PIGL: variants seen among roughly 807,000 people sequenced by gnomAD.
PIGL encodes phosphatidylinositol glycan anchor biosynthesis class L.
In PIGL, 22 loss-of-function variants were observed where a neutral mutation model predicts 31.1. That is an observed-to-expected ratio of 0.71 (90% CI 0.51 to 1.01). PIGL has a LOEUF of 1.01. Among genes scored for constraint, PIGL ranks in the 50% least tolerant of loss-of-function variants. PIGL has a pLI of 0.00. For missense variants in PIGL, 302 were observed against 315.9 expected (o/e 0.96, Z 0.33); for synonymous variants, 131 against 117.4 (o/e 1.12, Z -0.75).
intron 2 of PIGL, among the ~76,000 whole-genome samples, chr17:16,259,327 A>G (rs2092809886): frequency 6.8e-6 from 1 of 147,764 alleles, no homozygotes; most frequent in Non-Finnish European, 1.5e-5. Flanking sequence ...CATATAGTCA[A>G]TTGATTTTCA....
At chr17:16,253,410 T>G (rs1194783264) in intron 2 of PIGL, among the ~76,000 whole-genome samples, 1 of 152,186 alleles carries the variant, frequency 6.6e-6, no homozygotes, top group African/African-American at 2.4e-5. Context: ...AGAAACAATT[T>G]ATAGTTGAGG....
At chr17:16,243,792 C>T (rs1367426906) in intron 2 of PIGL, among the ~76,000 whole-genome samples, 1 of 152,200 alleles carries the variant, frequency 6.6e-6, no homozygotes, top group African/African-American at 2.4e-5. Context: ...CCAAGGGGTT[C>T]ACCTTGCCCA....
intron 2 of PIGL, among the ~76,000 whole-genome samples, chr17:16,267,240 G>A (rs2092848099): frequency 6.6e-6 from 1 of 152,170 alleles, no homozygotes. Flanking sequence ...ATAAGGAAGA[G>A]TAAGTGTATT....
At chr17:16,323,820 T>C (rs1380078097) in intron 6 of PIGL, among the ~76,000 whole-genome samples, 1 of 151,852 alleles carries the variant, frequency 6.6e-6, no homozygotes, top group Non-Finnish European at 1.5e-5. Flanking sequence ...GGTTTCACTA[T>C]GTTGGCCAGG....
intron 1 of PIGL, among the ~76,000 whole-genome samples, chr17:16,223,568 C>G (rs1169718345): frequency 6.6e-5 from 10 of 151,638 alleles, no homozygotes; most frequent in Admixed American, 4.6e-4. Flanking sequence ...CAGAGCTAGA[C>G]TCTATCTCAA....
intron 2 of PIGL, among the ~76,000 whole-genome samples, chr17:16,237,274 A>C (rs1374275884): frequency 6.6e-6 from 1 of 151,286 alleles, no homozygotes; most frequent in African/African-American, 2.4e-5. Context: ...CACCTGGCTA[A>C]TTTTTGTATC....
chr17:16,228,808 C>A (rs2092665566), intron 1 of PIGL, among the ~76,000 whole-genome samples: 1 of 152,194 alleles, frequency 6.6e-6, no homozygotes, highest in South Asian at 2.1e-4. Flanking sequence ...CATTCCTTTT[C>A]CCCTCCTCTC....
chr17:16,283,055 T>A (rs556350979), intron 2 of PIGL, among the ~76,000 whole-genome samples: 19 of 151,532 alleles, frequency 1.3e-4, no homozygotes, highest in Non-Finnish European at 1.5e-5. Context: ...CAGGTTGGAG[T>A]GCAATGGCAT....
At chr17:16,271,395 A>G (rs907840005) in intron 2 of PIGL, among the ~76,000 whole-genome samples, 6 of 152,356 alleles carry the variant, frequency 3.9e-5, no homozygotes, top group Non-Finnish European at 8.8e-5. Context: ...TTGTGGTTCA[A>G]TAAACAGAAT....
chr17:16,254,523 C>T (rs563275175), intron 2 of PIGL, among the ~76,000 whole-genome samples: 6 of 152,162 alleles, frequency 3.9e-5, no homozygotes, highest in Non-Finnish European at 7.4e-5. Context: ...CCACCTCGGC[C>T]TCCCAAAGTA....
At chr17:16,306,811 G>A (rs569844093) in intron 3 of PIGL, among the ~76,000 whole-genome samples, 1 of 152,176 alleles carries the variant, frequency 6.6e-6, no homozygotes, top group African/African-American at 2.4e-5. Flanking sequence ...TTACAGGCGT[G>A]AGCCACCGCA....
chr17:16,318,885 C>T (rs1019445014), intron 6 of PIGL, among the ~76,000 whole-genome samples: 2 of 151,430 alleles, frequency 1.3e-5, no homozygotes, highest in Non-Finnish European at 2.9e-5. Flanking sequence ...GAGCTGAGAT[C>T]ATGCCACTGT....
chr17:16,244,017 T>G (rs993668897), intron 2 of PIGL, among the ~76,000 whole-genome samples: 3 of 152,186 alleles, frequency 2.0e-5, no homozygotes, highest in Admixed American at 1.3e-4. Context: ...GGTCTCTTCT[T>G]GGGCTGAGTC....
chr17:16,281,482 A>G (rs1267248870), intron 2 of PIGL, among the ~76,000 whole-genome samples: 1 of 152,224 alleles, frequency 6.6e-6, no homozygotes, highest in Non-Finnish European at 1.5e-5. Context: ...AGCCAGATGC[A>G]ACATTCATAA....
At chr17:16,265,403 G>T (rs2092837942) in intron 2 of PIGL, among the ~76,000 whole-genome samples, 1 of 152,080 alleles carries the variant, frequency 6.6e-6, no homozygotes, top group Admixed American at 6.6e-5. Flanking sequence ...GCTCAAGACT[G>T]CCCATGGTGG....
rs1352284431 is a variant in PIGL at position 16,217,232 on chromosome 17, A to C, written c.6A>C (p.Glu2Asp). 13 of 1,613,846 alleles carry C rather than the reference A, an allele frequency of 8.1e-6. No homozygotes were observed. The Admixed American group carries it at 1.8e-4, about 23-fold the overall frequency. The change falls in exon 1 of 7, where the codon GAA (glutamate) becomes GAC (aspartate). Residue 2 changes from glutamate to aspartate, a missense_variant. By Grantham distance (45) the Glu-to-Asp change is conservative. Transcript: ENST00000225609. M[E>D]AMWLLCVALA... ...CTCAGTGCTGCTTACCCATCATGGAAGCAATGTGGCTCCTGTGTGTGGCGT... is the reference window on the plus strand; with the variant it reads ...CTCAGTGCTGCTTACCCATCATGGACGCAATGTGGCTCCTGTGTGTGGCGT...
chr17:16,324,720 A>G (rs2093119997), intron 6 of PIGL, among the ~76,000 whole-genome samples: 1 of 152,226 alleles, frequency 6.6e-6, no homozygotes, highest in Non-Finnish European at 1.5e-5. Flanking sequence ...TTGTGAAGAT[A>G]TTAGCTTAGA....
At chr17:16,320,537 GGAAGGAAGGAAGGAAGA>G (rs2093101015) in intron 6 of PIGL, among the ~76,000 whole-genome samples, 1 of 143,896 alleles carries the variant, frequency 6.9e-6, no homozygotes, top group African/African-American at 2.7e-5. Context: ...AAAAGAAGAA[GGAAGGAAGGAAGGAAGA>G]AAGGAAGGAA....
intron 1 of PIGL, among the ~76,000 whole-genome samples, chr17:16,222,611 A>G (rs1181286104): frequency 1.3e-5 from 2 of 152,050 alleles, no homozygotes; most frequent in African/African-American, 2.4e-5. Flanking sequence ...GTTACACCCA[A>G]TCTGCCTCTC....
Sources: allele counts gnomAD v4.1 joint callset (sites outside exome capture counted in the v4.1 genomes callset), GRCh38; gene constraint gnomAD v4.1.1; transcripts MANE v1.5; gene names NCBI Gene and HGNC (gene_info 2026-07-23, HGNC 2026-07-21).